The following CLDN16 variants were observed in gnomAD, a reference collection of about 807,000 sequenced individuals.
CLDN16 encodes claudin-16.
Under a neutral mutation model 24.6 loss-of-function variants are expected in CLDN16, and 13 were observed. The observed-to-expected ratio is 0.53, with a 90% CI of 0.34 to 0.84. The LOEUF (loss-of-function observed/expected upper bound fraction) is 0.84, where lower values mean the gene tolerates loss of function less well. CLDN16 is among the 40% of genes least tolerant of loss of function. CLDN16 has a pLI of 0.01. For synonymous variants in CLDN16, 116 were observed against 106.7 expected (o/e 1.09, Z -0.54); for missense variants, 298 against 292.7 (o/e 1.02, Z -0.13).
upstream of CLDN16, among the ~76,000 whole-genome samples, chr3:190,318,438 G>A (rs1167875811): frequency 6.6e-6 from 1 of 152,126 alleles, no homozygotes; most frequent in African/African-American, 2.4e-5. Context: ...CATCTTAGCT[G>A]CACCATCCTT....
chr3:190,390,730 G>A (rs1396373208), intron 1 of CLDN16, among the ~76,000 whole-genome samples: 1 of 151,950 alleles, frequency 6.6e-6, no homozygotes, highest in African/African-American at 2.4e-5. Context: ...CTCTTTTCTT[G>A]CCGCCATCCT....
chr3:190,382,950 G>C (rs1386951823), intron 3 of CLDN16, among the ~76,000 whole-genome samples: 1 of 152,062 alleles, frequency 6.6e-6, no homozygotes, highest in African/African-American at 2.4e-5. Flanking sequence ...GGTGTGGGCT[G>C]CCCGTAATGA....
intron 1 of CLDN16, among the ~76,000 whole-genome samples, chr3:190,350,748 C>A (rs2108635543): frequency 6.6e-6 from 1 of 152,270 alleles, no homozygotes. Context: ...CTTATCTGAC[C>A]AATGACTGAG....
At chr3:190,296,840 G>A in the CLDN16 span, among the ~76,000 whole-genome samples, 2 of 152,078 alleles carry the variant, frequency 1.3e-5, no homozygotes, top group East Asian at 1.9e-4. Flanking sequence ...GTGAGCCACC[G>A]CGCCCGGCCC....
intron 1 of CLDN16, among the ~76,000 whole-genome samples, chr3:190,390,733 G>T (rs771102220): frequency 6.6e-6 from 1 of 151,974 alleles, no homozygotes; most frequent in African/African-American, 2.4e-5. Context: ...TTTTCTTGCC[G>T]CCATCCTCAT....
chr3:190,303,909 A>G, the CLDN16 span, among the ~76,000 whole-genome samples: 6 of 152,168 alleles, frequency 3.9e-5, no homozygotes, highest in East Asian at 9.6e-4. Context: ...AAAAGCCCCA[A>G]TCCTGAACCA....
Position 190,354,976 on chromosome 3 carries a change from AG to A in CLDN16, n.122-15915del, listed in dbSNP as rs1382829313. ...TAACAAGTGGTTTGGCTCACAGAAAAGGTCAAAGTATTAGTTCAATAAATCA... is the reference window on the plus strand; with the variant it reads ...TAACAAGTGGTTTGGCTCACAGAAAAGTCAAAGTATTAGTTCAATAAATCA... On this transcript the variant is annotated intron_variant and non_coding_transcript_variant, in intron 1 of 4. Transcript: ENST00000468220. 3.3e-5 allele frequency among the ~76,000 whole-genome samples: 5 copies of A among 152,036 alleles called. No individual in the cohort carries two copies. In the South Asian group the frequency reaches 8.3e-4, roughly 25 times the overall value.
At chr3:190,324,170 G>A (rs984692812) in intron 1 of CLDN16, among the ~76,000 whole-genome samples, 18 of 152,154 alleles carry the variant, frequency 1.2e-4, no homozygotes, top group Non-Finnish European at 2.6e-4. Context: ...AGAATTAAAA[G>A]TATTATTAAA....
the CLDN16 span, among the ~76,000 whole-genome samples, chr3:190,304,085 C>T: frequency 6.6e-6 from 1 of 152,178 alleles, no homozygotes; most frequent in Non-Finnish European, 1.5e-5. Context: ...TGGGAAGCTC[C>T]TGCTAGGACT....
chr3:190,348,253 C>CAA (rs35983526), intron 1 of CLDN16, among the ~76,000 whole-genome samples: 21 of 55,992 alleles, frequency 3.8e-4, no homozygotes, highest in African/African-American at 1.1e-3. Context: ...GACTCCGTCT[C>CAA]AAAAAAAAAA....
In CLDN16 at chr3:190,327,592, G is replaced by A. The variant is rs183990955; in HGVS notation, n.121+4931G>A. 1.2e-3 allele frequency among the ~76,000 whole-genome samples: 179 copies of A among 152,326 alleles called. 1 individual carries two copies. The highest frequency in any genetic ancestry group is 7.8e-3 in the Admixed American group (120 of 15,308). On this transcript the variant is annotated intron_variant and non_coding_transcript_variant, in intron 1 of 4. Coordinates refer to the CLDN16 transcript ENST00000468220. ...ACACAGCTAGCAAAAAGCAGAGTTG[G>A]CCTCCAAACTCAGTTGTTCTGGCTC...
At chr3:190,333,032 G>A (rs558270219) in intron 1 of CLDN16, among the ~76,000 whole-genome samples, 1 of 152,184 alleles carries the variant, frequency 6.6e-6, no homozygotes, top group East Asian at 1.9e-4. Context: ...GGAAAAAGGA[G>A]AATATTACTG....
intron 1 of CLDN16, among the ~76,000 whole-genome samples, chr3:190,364,421 T>A (rs978131101): frequency 6.6e-6 from 1 of 151,952 alleles, no homozygotes; most frequent in Non-Finnish European, 1.5e-5. Flanking sequence ...TTTGTGGTTC[T>A]GACAGAACAT....
chr3:190,324,746 A>G (rs1717022754), intron 1 of CLDN16, among the ~76,000 whole-genome samples: 1 of 152,190 alleles, frequency 6.6e-6, no homozygotes, highest in Admixed American at 6.5e-5. Context: ...ACTGTGATTC[A>G]GGCCCATCTC....
intron 1 of CLDN16, among the ~76,000 whole-genome samples, chr3:190,332,139 T>A (rs1032905337): frequency 1.3e-4 from 20 of 152,200 alleles, no homozygotes; most frequent in African/African-American, 4.8e-4. Flanking sequence ...AACATATCTC[T>A]GAGTTTGAAG....
At chr3:190,406,773 G>A (rs1384852124) in intron 3 of CLDN16, among the ~76,000 whole-genome samples, 7 of 127,664 alleles carry the variant, frequency 5.5e-5, no homozygotes, top group Non-Finnish European at 6.2e-5. Context: ...ATGGAGTCTC[G>A]CTCTGTCGCC....
At chr3:190,320,381 C>G (rs556015285), upstream of CLDN16, among the ~76,000 whole-genome samples, 6 of 152,084 alleles carry the variant, frequency 3.9e-5, no homozygotes, top group Non-Finnish European at 7.4e-5. Flanking sequence ...TGCCTGACAC[C>G]GTTTCCTTAA....
At position 190,323,276 on chromosome 3, in the gene CLDN16, A is replaced by G. The variant is rs544655282; in HGVS notation, n.121+615A>G. ...CTGGCCAGTGCCCCGCTCTCCCTGAAAGGTGTTAATTTTGTGAGTTATCAA... is the reference window on the plus strand; with the variant it reads ...CTGGCCAGTGCCCCGCTCTCCCTGAGAGGTGTTAATTTTGTGAGTTATCAA... On this transcript the variant is annotated intron_variant and non_coding_transcript_variant, in intron 1 of 4. Transcript: ENST00000468220. Among the ~76,000 whole-genome samples the G allele has an allele frequency of 2.6e-4, 40 of 152,220 alleles. No individual in the cohort carries two copies. In the South Asian group the frequency reaches 4.8e-3, roughly 18 times the overall value.
chr3:190,357,357 A>T (rs1427235808), intron 1 of CLDN16, among the ~76,000 whole-genome samples: 1 of 151,934 alleles, frequency 6.6e-6, no homozygotes, highest in Non-Finnish European at 1.5e-5. Flanking sequence ...ATTTTCTCAT[A>T]TTCACTGTGT....
Sources: gnomAD v4.1 joint callset for allele counts (sites outside exome capture counted in the v4.1 genomes callset) on GRCh38, gnomAD v4.1.1 for gene constraint, MANE v1.5 for transcripts, NCBI Gene and HGNC (gene_info 2026-07-23, HGNC 2026-07-21) for gene names.